The following BBS9 variants were observed in gnomAD, a reference collection of about 807,000 sequenced individuals.
BBS9 encodes the protein Bardet-Biedl syndrome 9.
Under a neutral mutation model 117.7 loss-of-function variants are expected in BBS9, and 89 were observed. The observed-to-expected ratio is 0.76, with a 90% CI of 0.64 to 0.90. The LOEUF (loss-of-function observed/expected upper bound fraction) is 0.90, where lower values mean the gene tolerates loss of function less well. Ranked by LOEUF, BBS9 falls within the 40% of genes least tolerant of loss-of-function variation. The pLI is 0.00. For missense variants in BBS9, 982 were observed against 1,042.2 expected (o/e 0.94, Z 0.80); for synonymous variants, 379 against 370.9 (o/e 1.02, Z -0.25).
intron 21 of BBS9, among the ~76,000 whole-genome samples, chr7:33,542,344 A>C (rs966877331): frequency 7.9e-4 from 120 of 152,298 alleles, no homozygotes; most frequent in African/African-American, 2.9e-3. Context: ...CGGCCTCCCA[A>C]AGTGCTGGGA....
intron 21 of BBS9, among the ~76,000 whole-genome samples, chr7:33,569,407 G>GTGTGTGTATATATATATATA (rs200044450): frequency 1.3e-5 from 2 of 149,504 alleles, no homozygotes; most frequent in Non-Finnish European, 1.5e-5. Flanking sequence ...ATACAGATGT[G>GTGTGTGTATATATATATATA]TATATATATA....
chr7:33,402,036 C>A (rs891428002), intron 19 of BBS9, among the ~76,000 whole-genome samples: 5 of 152,160 alleles, frequency 3.3e-5, no homozygotes, highest in Admixed American at 3.3e-4. Flanking sequence ...TGTCTCCTCA[C>A]GCCCTTGCTA....
chr7:33,288,978 T>G (rs1223931016), intron 9 of BBS9, among the ~76,000 whole-genome samples: 5 of 152,158 alleles, frequency 3.3e-5, no homozygotes, highest in Non-Finnish European at 5.9e-5. Context: ...TGAGTTGGTG[T>G]TACAATATAG....
Position 33,352,865 on chromosome 7 carries a change from A to G in BBS9, c.1544A>G (p.Asn515Ser). 6.2e-7 allele frequency: 1 copy of G among 1,612,670 alleles called. No individual in the cohort carries two copies. The highest frequency in any genetic ancestry group is 8.5e-7 in the Non-Finnish European group (1 of 1,178,836). The change falls in exon 15 of 23, where the codon AAT (asparagine) becomes AGT (serine). Residue 515 changes from asparagine to serine, a missense_variant. Transcript: ENST00000242067. ...VVSYSRPTDR[N>S]PDGIPRVIQC... ...CATTGCCTGTGATGGACAGATCGAA[A>G]TCCTGATGGTAAGTGTAAAGATAAT...
At chr7:33,443,633 G>A (rs12056267) in intron 19 of BBS9, among the ~76,000 whole-genome samples, 23,561 of 152,150 alleles carry the variant, frequency 0.15, 2,290 homozygotes, top group South Asian at 0.21. Context: ...TGCAGTTTTT[G>A]TAATAAAAAA....
chr7:33,444,865 A>T (rs943268276), intron 19 of BBS9, among the ~76,000 whole-genome samples: 4 of 152,200 alleles, frequency 2.6e-5, no homozygotes, highest in African/African-American at 4.8e-5. Context: ...CCTTATCAAT[A>T]TATGCAGACC....
intron 7 of BBS9, among the ~76,000 whole-genome samples, chr7:33,271,746 A>G (rs1224236314): frequency 6.6e-6 from 1 of 152,196 alleles, no homozygotes; most frequent in East Asian, 1.9e-4. Context: ...TTAGACTGCC[A>G]CACAATAATA....
At chr7:33,160,788 A>T (rs2128125038) in intron 4 of BBS9, among the ~76,000 whole-genome samples, 1 of 152,290 alleles carries the variant, frequency 6.6e-6, no homozygotes, top group Middle Eastern at 3.4e-3. Flanking sequence ...TGGTATTCTC[A>T]GAAGATTCAA....
chr7:33,624,257 T>G (rs1395119747), intron 21 of BBS9, among the ~76,000 whole-genome samples: 1 of 152,318 alleles, frequency 6.6e-6, no homozygotes, highest in East Asian at 1.9e-4. Context: ...TGAATATGAC[T>G]TTTATAACTA....
chr7:33,390,753 C>T (rs1826922760), intron 19 of BBS9: 1 of 350,738 alleles, frequency 2.9e-6, no homozygotes, highest in African/African-American at 2.2e-5. Flanking sequence ...GGTTCCTTAT[C>T]ATCTGCTCAG....
chr7:33,383,870 A>G (rs766018563), intron 18 of BBS9, 32 bp downstream of exon 18: 1 of 1,589,106 alleles, frequency 6.3e-7, no homozygotes, highest in Admixed American at 1.7e-5. Context: ...ATCATCTATA[A>G]TCCTTAAATA....
intron 4 of BBS9, among the ~76,000 whole-genome samples, chr7:33,163,918 A>G (rs1348875934): frequency 2.0e-5 from 3 of 151,698 alleles, no homozygotes; most frequent in African/African-American, 7.3e-5. Context: ...TTTAATTGTG[A>G]TGTTAGGGTG....
At chr7:33,393,357 A>G (rs533999667) in intron 19 of BBS9, among the ~76,000 whole-genome samples, 6 of 152,322 alleles carry the variant, frequency 3.9e-5, no homozygotes, top group African/African-American at 1.2e-4. Context: ...TTTGTCCAGT[A>G]CTGGCTTCAT....
At chr7:33,594,312 T>G (rs1862385555) in intron 21 of BBS9, among the ~76,000 whole-genome samples, 1 of 152,124 alleles carries the variant, frequency 6.6e-6, no homozygotes, top group Non-Finnish European at 1.5e-5. Context: ...AAGTTGGTTA[T>G]CAGGCAGCGG....
intron 11 of BBS9, among the ~76,000 whole-genome samples, chr7:33,341,425 G>A (rs146068507): frequency 0.015 from 2,234 of 152,094 alleles, 34 homozygotes; most frequent in Non-Finnish European, 0.021. Context: ...GGTGGTGGTG[G>A]TAGGGTAGCT....
intron 19 of BBS9, among the ~76,000 whole-genome samples, chr7:33,419,806 G>A (rs938906968): frequency 6.6e-6 from 1 of 152,138 alleles, no homozygotes; most frequent in African/African-American, 2.4e-5. Context: ...ATTCTTAGCA[G>A]TAGAGACTGT....
At chr7:33,426,935 G>A (rs1419263853) in intron 19 of BBS9, among the ~76,000 whole-genome samples, 4 of 152,118 alleles carry the variant, frequency 2.6e-5, no homozygotes, top group African/African-American at 4.8e-5. Flanking sequence ...GACAACAGAG[G>A]TAGTATCTCC....
rs139085053 is a variant in BBS9, at chr7:33,554,443, A to C, written c.2521+20267A>C. ...GTACAAATATCTACAGTGTGTTTTA[A>C]AGGCTAGAATACACAGAGCTTGGTG... On this transcript the variant is annotated intron_variant, in intron 21 of 22. Transcript: ENST00000242067. 2.2e-3 allele frequency among the ~76,000 whole-genome samples: 341 copies of C among 152,244 alleles called. 2 individuals carry two copies. The highest frequency in any genetic ancestry group is 7.8e-3 in the African/African-American group (324 of 41,554).
chr7:33,528,121 T>C (rs1849944084), intron 20 of BBS9, among the ~76,000 whole-genome samples: 1 of 152,218 alleles, frequency 6.6e-6, no homozygotes, highest in Non-Finnish European at 1.5e-5. Flanking sequence ...CAAACACTTT[T>C]CATTTTGCAT....
Sources: gnomAD v4.1 joint callset for allele counts (sites outside exome capture counted in the v4.1 genomes callset) on GRCh38, gnomAD v4.1.1 for gene constraint, MANE v1.5 for transcripts, NCBI Gene and HGNC (gene_info 2026-07-23, HGNC 2026-07-21) for gene names.